INSL6: variants seen among roughly 807,000 people sequenced by gnomAD.
INSL6 encodes the protein insulin-like peptide INSL6.
A neutral mutation model predicts 9.4 loss-of-function variants in INSL6; 16 were observed. The observed-to-expected ratio is 1.70, with a 90% CI of 1.15 to 2.59. INSL6 has a LOEUF of 2.59. Among genes scored for constraint, INSL6 ranks in the 30% most tolerant of loss-of-function variants. INSL6 has a pLI of 0.00. For missense variants in INSL6, 391 were observed against 257.3 expected (o/e 1.52, Z -3.56); for synonymous variants, 154 against 96.9 (o/e 1.59, Z -3.46).
chr9:5,155,644 T>C (rs1335136996), intron 2 of INSL6, among the ~76,000 whole-genome samples: 2 of 151,362 alleles, frequency 1.3e-5, no homozygotes, highest in African/African-American at 2.4e-5. Flanking sequence ...CTGGAAACCA[T>C]CATTCTCAGC....
At chr9:4,999,943 A>C in the INSL6 span, among the ~76,000 whole-genome samples, 1 of 152,180 alleles carries the variant, frequency 6.6e-6, no homozygotes, top group African/African-American at 2.4e-5. Flanking sequence ...CTTTGCCAAC[A>C]CTGGGTATTG....
chr9:5,010,570 C>T, the INSL6 span, among the ~76,000 whole-genome samples: 1 of 152,178 alleles, frequency 6.6e-6, no homozygotes, highest in Non-Finnish European at 1.5e-5. Flanking sequence ...ATTCACCCGC[C>T]TCGGCCTCCC....
the INSL6 span, chr9:5,086,257 C>A: frequency 4.0e-6 from 2 of 501,384 alleles, no homozygotes; most frequent in South Asian, 1.2e-4. Context: ...ATGGTGGCTC[C>A]GCCTCTGGCC....
chr9:5,084,600 ATCTTT>A, the INSL6 span, among the ~76,000 whole-genome samples: 1 of 152,130 alleles, frequency 6.6e-6, no homozygotes, highest in Non-Finnish European at 1.5e-5. Flanking sequence ...CTATTGTGAA[ATCTTT>A]TCTTTTGCTA....
the INSL6 span, chr9:5,044,366 A>G: frequency 3.0e-6 from 4 of 1,320,934 alleles, no homozygotes; most frequent in Non-Finnish European, 4.4e-6. Flanking sequence ...TATTTGAACT[A>G]TTTGGAAGCT....
At chr9:5,034,239 A>G in the INSL6 span, among the ~76,000 whole-genome samples, 1 of 152,198 alleles carries the variant, frequency 6.6e-6, no homozygotes, top group Non-Finnish European at 1.5e-5. Flanking sequence ...AGATTCATAA[A>G]GCAAGTCCTT....
chr9:5,092,782 A>G, the INSL6 span, among the ~76,000 whole-genome samples: 3 of 152,170 alleles, frequency 2.0e-5, no homozygotes, highest in Non-Finnish European at 2.9e-5. Flanking sequence ...TAGTGGTGAT[A>G]AGCCTATCAA....
chr9:5,041,290 T>A, the INSL6 span: 1 of 963,892 alleles, frequency 1.0e-6, no homozygotes, highest in Non-Finnish European at 1.6e-6. Flanking sequence ...GGTACACTGG[T>A]CTCAGGACCA....
the INSL6 span, among the ~76,000 whole-genome samples, chr9:5,064,026 T>C: frequency 6.6e-6 from 1 of 152,014 alleles, no homozygotes; most frequent in Non-Finnish European, 1.5e-5. Flanking sequence ...CGTCTTGGCG[T>C]GTGCCTGTAA....
the INSL6 span, among the ~76,000 whole-genome samples, chr9:5,040,626 C>G: frequency 2.6e-5 from 4 of 152,362 alleles, no homozygotes; most frequent in South Asian, 8.3e-4. Flanking sequence ...AAGACAATGA[C>G]AACTTAATTT....
intron 1 of INSL6, 78 bp downstream of exon 1, chr9:5,185,236 C>G: frequency 6.3e-7 from 1 of 1,579,296 alleles, no homozygotes; most frequent in Non-Finnish European, 8.7e-7. Flanking sequence ...CCTGGGGAAG[C>G]TCACCTTCTG....
At chr9:5,078,063 T>A in the INSL6 span, among the ~76,000 whole-genome samples, 2 of 152,320 alleles carry the variant, frequency 1.3e-5, no homozygotes, top group Admixed American at 6.5e-5. Flanking sequence ...TTAGAACTCA[T>A]GTGAAATGGC....
the INSL6 span, among the ~76,000 whole-genome samples, chr9:5,089,269 T>A: frequency 6.6e-6 from 1 of 152,194 alleles, no homozygotes; most frequent in Non-Finnish European, 1.5e-5. Flanking sequence ...CTGGGCATGG[T>A]GGCTCATGCC....
the INSL6 span, among the ~76,000 whole-genome samples, chr9:5,075,326 G>C: frequency 1.3e-5 from 2 of 152,194 alleles, no homozygotes; most frequent in Admixed American, 1.3e-4. Context: ...CCTTCTGTTG[G>C]AAGAATATGC....
the INSL6 span, chr9:5,091,034 CTTACAT>C: frequency 1.3e-6 from 1 of 744,566 alleles, no homozygotes; most frequent in Non-Finnish European, 2.1e-6. Context: ...TCTTTTAAGT[CTTACAT>C]TTAACTTTTT....
At chr9:5,123,158 TGTTC>T, downstream of INSL6, 4 of 1,385,954 alleles carry the variant, frequency 2.9e-6, no homozygotes, top group Non-Finnish European at 4.0e-6. Context: ...GTTTTTTGTT[TGTTC>T]GTTTGATTTT....
the INSL6 span, among the ~76,000 whole-genome samples, chr9:5,074,003 C>A: frequency 6.6e-6 from 1 of 152,102 alleles, no homozygotes; most frequent in African/African-American, 2.4e-5. Context: ...AATGCCCAAA[C>A]AATAGAGTAT....
At chr9:5,013,163 A>G in the INSL6 span, among the ~76,000 whole-genome samples, 3 of 152,210 alleles carry the variant, frequency 2.0e-5, no homozygotes, top group African/African-American at 7.2e-5. Context: ...TTCTTGCTCA[A>G]TAAGAAAACA....
At chr9:5,046,591 G>A in the INSL6 span, among the ~76,000 whole-genome samples, 2 of 152,130 alleles carry the variant, frequency 1.3e-5, no homozygotes. Context: ...GTGAAGGTAA[G>A]GGCCCAACTT....
Sources: allele counts gnomAD v4.1 joint callset (sites outside exome capture counted in the v4.1 genomes callset), GRCh38; gene constraint gnomAD v4.1.1; transcripts MANE v1.5; gene names NCBI Gene and HGNC (gene_info 2026-07-23, HGNC 2026-07-21).